The following GPC6 variants were observed in gnomAD, a reference collection of about 807,000 sequenced individuals.
The protein encoded by GPC6 is glypican 6.
GPC6 carries 14 observed loss-of-function variants against 55.2 expected under a neutral mutation model. The ratio of observed to expected loss-of-function variants is 0.25; its 90% CI spans 0.17 to 0.40. The LOEUF (loss-of-function observed/expected upper bound fraction) is 0.40, where lower values mean the gene tolerates loss of function less well. Among genes scored for constraint, GPC6 ranks in the 10% least tolerant of loss-of-function variants. The pLI, the probability that GPC6 is intolerant of heterozygous loss-of-function variation, is 1.00. For missense variants in GPC6, 641 were observed against 708.5 expected (o/e 0.90, Z 1.08); for synonymous variants, 278 against 259.6 (o/e 1.07, Z -0.68).
intron 4 of GPC6, among the ~76,000 whole-genome samples, chr13:94,178,137 G>A (rs1273631363): frequency 6.6e-6 from 1 of 151,346 alleles, no homozygotes; most frequent in African/African-American, 2.4e-5. Context: ...TCCTGCCTCA[G>A]CCTCCCAAGT....
intron 2 of GPC6, among the ~76,000 whole-genome samples, chr13:93,644,770 A>G (rs747689290): frequency 2.9e-3 from 33 of 11,528 alleles, no homozygotes; most frequent in African/African-American, 6.7e-3. Context: ...TCAAGAGTAA[A>G]TAAATAAATA....
chr13:93,662,515 A>G (rs1365880162), intron 2 of GPC6, among the ~76,000 whole-genome samples: 1 of 152,080 alleles, frequency 6.6e-6, no homozygotes, highest in East Asian at 1.9e-4. Flanking sequence ...CCTTAATCCC[A>G]GCTACTTGGG....
At chr13:94,267,684 T>A (rs1015912060) in intron 4 of GPC6, among the ~76,000 whole-genome samples, 3 of 152,214 alleles carry the variant, frequency 2.0e-5, no homozygotes, top group Non-Finnish European at 4.4e-5. Flanking sequence ...GATTCCATCC[T>A]GAAAAAGAGC....
chr13:93,622,885 T>C (rs765340319), intron 2 of GPC6, among the ~76,000 whole-genome samples: 10 of 152,172 alleles, frequency 6.6e-5, no homozygotes, highest in Non-Finnish European at 1.2e-4. Context: ...TCTGTACCCA[T>C]TAACCAATCT....
At chr13:93,952,607 GTATA>G (rs1879299194) in intron 3 of GPC6, among the ~76,000 whole-genome samples, 1 of 151,388 alleles carries the variant, frequency 6.6e-6, no homozygotes, top group Admixed American at 6.6e-5. Context: ...ATACATTTAT[GTATA>G]TATGTATGTA....
chr13:93,228,561 T>C (rs1176252051), intron 1 of GPC6, among the ~76,000 whole-genome samples: 3 of 152,094 alleles, frequency 2.0e-5, no homozygotes, highest in African/African-American at 7.2e-5. Context: ...TGGGTGCTTG[T>C]TTTCCGGCTC....
intron 1 of GPC6, among the ~76,000 whole-genome samples, chr13:93,441,603 A>T (rs1423634419): frequency 6.6e-6 from 1 of 152,188 alleles, no homozygotes; most frequent in Non-Finnish European, 1.5e-5. Context: ...GCCCTTTGTC[A>T]GATGGGTAGA....
At chr13:93,513,622 C>A (rs913503458) in intron 1 of GPC6, among the ~76,000 whole-genome samples, 1 of 152,164 alleles carries the variant, frequency 6.6e-6, no homozygotes, top group African/African-American at 2.4e-5. Flanking sequence ...GGGATTTAGG[C>A]AATTACTCAA....
chr13:93,461,793 A>C (rs1026761141), intron 1 of GPC6, among the ~76,000 whole-genome samples: 12 of 152,186 alleles, frequency 7.9e-5, no homozygotes, highest in Non-Finnish European at 1.6e-4. Flanking sequence ...ATTTTAAAAA[A>C]TCATTCGTTC....
At chr13:93,960,594 T>C (rs1289769445) in intron 3 of GPC6, among the ~76,000 whole-genome samples, 1 of 152,126 alleles carries the variant, frequency 6.6e-6, no homozygotes, top group Non-Finnish European at 1.5e-5. Context: ...TAAGGTTCTC[T>C]TGTAGCCTGC....
chr13:93,944,164 C>CTTTTA (rs1334941050), intron 3 of GPC6, among the ~76,000 whole-genome samples: 1 of 149,124 alleles, frequency 6.7e-6, no homozygotes, highest in Admixed American at 6.7e-5. Context: ...CAGTTTCTTC[C>CTTTTA]TTTTATTTTA....
chr13:94,300,028 T>A (rs1321137874), intron 5 of GPC6, among the ~76,000 whole-genome samples: 1 of 152,140 alleles, frequency 6.6e-6, no homozygotes, highest in Non-Finnish European at 1.5e-5. Flanking sequence ...CAGGTAACAT[T>A]AACTGTTACC....
At chr13:93,306,173 G>A (rs1878849634) in intron 1 of GPC6, among the ~76,000 whole-genome samples, 1 of 152,068 alleles carries the variant, frequency 6.6e-6, no homozygotes, top group African/African-American at 2.4e-5. Context: ...AGTGCAAAGT[G>A]GAAGCAGAAT....
At chr13:93,897,724 C>A (rs977907106) in intron 3 of GPC6, among the ~76,000 whole-genome samples, 1 of 152,096 alleles carries the variant, frequency 6.6e-6, no homozygotes, top group Non-Finnish European at 1.5e-5. Flanking sequence ...CACTAGTCTT[C>A]TGTCCCCCCC....
intron 6 of GPC6, among the ~76,000 whole-genome samples, chr13:94,372,266 G>A (rs901888670): frequency 9.2e-5 from 14 of 152,204 alleles, no homozygotes; most frequent in Admixed American, 8.5e-4. Context: ...GAGTGACGCA[G>A]AAGACGGGTG....
chr13:93,437,017 A>G (rs1877598372), intron 1 of GPC6, among the ~76,000 whole-genome samples: 1 of 151,986 alleles, frequency 6.6e-6, no homozygotes, highest in East Asian at 1.9e-4. Flanking sequence ...GAATATTTCC[A>G]ATATTTTAAG....
chr13:93,447,416 A>G (rs961637343), intron 1 of GPC6, among the ~76,000 whole-genome samples: 1 of 152,124 alleles, frequency 6.6e-6, no homozygotes, highest in East Asian at 1.9e-4. Flanking sequence ...TTAGAGTAAA[A>G]TACCTTCTTC....
rs539846106 is a variant in GPC6 at position 93,686,835 on chromosome 13, A to C, written c.319+141414A>C. Among the ~76,000 whole-genome samples the C allele has an allele frequency of 2.6e-5, 4 of 152,204 alleles. No homozygotes were observed. In the East Asian group the frequency reaches 7.7e-4, roughly 29 times the overall value. ...CACCCTTTTTTGGTATTCTTCATTT[A>C]ATGAAGAACAGTAGTTTTGATGAAT... On this transcript the variant is annotated intron_variant, in intron 2 of 8. Coordinates refer to ENST00000377047, the MANE Select transcript of GPC6 (RefSeq NM_005708.5).
intron 4 of GPC6, among the ~76,000 whole-genome samples, chr13:94,041,316 G>A (rs766589898): frequency 3.3e-5 from 5 of 151,788 alleles, no homozygotes; most frequent in Non-Finnish European, 7.4e-5. Flanking sequence ...TTATGGAAGT[G>A]TCTGTGATCC....
Sources: allele counts gnomAD v4.1 joint callset (sites outside exome capture counted in the v4.1 genomes callset), GRCh38; gene constraint gnomAD v4.1.1; transcripts MANE v1.5; gene names NCBI Gene and HGNC (gene_info 2026-07-23, HGNC 2026-07-21).